ABCC4: variants seen among roughly 807,000 people sequenced by gnomAD.
The protein encoded by ABCC4 is ATP binding cassette subfamily C member 4 (PEL blood group), also known as ATP-binding cassette sub-family C member 4.
Under a neutral mutation model 168.5 loss-of-function variants are expected in ABCC4, and 102 were observed. The observed-to-expected ratio is 0.61, with a 90% CI of 0.52 to 0.71. The LOEUF (loss-of-function observed/expected upper bound fraction) is 0.71, where lower values mean the gene tolerates loss of function less well. Ranked by LOEUF, ABCC4 falls within the 30% of genes least tolerant of loss-of-function variation. The probability of loss-of-function intolerance (pLI) is 0.00; values close to 1 mark genes in which losing one functional copy is unlikely to be tolerated. For synonymous variants in ABCC4, 617 were observed against 590.7 expected (o/e 1.04, Z -0.65); for missense variants, 1,402 against 1,605.8 (o/e 0.87, Z 2.17).
intron 29 of ABCC4, among the ~76,000 whole-genome samples, chr13:95,036,843 G>A (rs2032142164): frequency 6.6e-6 from 1 of 152,044 alleles, no homozygotes; most frequent in African/African-American, 2.4e-5. Flanking sequence ...TAGCACTTTG[G>A]GAGGCCAAGG....
At chr13:95,282,695 T>C (rs1220359260) in intron 1 of ABCC4, among the ~76,000 whole-genome samples, 3 of 151,594 alleles carry the variant, frequency 2.0e-5, no homozygotes, top group Non-Finnish European at 4.4e-5. Context: ...CCATCATGCC[T>C]GGCTAATTTT....
chr13:95,030,482 A>G (rs983809553), intron 30 of ABCC4, among the ~76,000 whole-genome samples: 12 of 152,158 alleles, frequency 7.9e-5, no homozygotes, highest in African/African-American at 2.2e-4. Flanking sequence ...CTAAATTCCT[A>G]TGTTGAAGTC....
intron 30 of ABCC4, among the ~76,000 whole-genome samples, chr13:95,024,572 T>C (rs1056717492): frequency 1.3e-5 from 2 of 152,316 alleles, no homozygotes; most frequent in African/African-American, 4.8e-5. Context: ...TGATTGACAT[T>C]GCATTCCTAA....
At chr13:95,120,476 G>T (rs1329046908) in intron 19 of ABCC4, among the ~76,000 whole-genome samples, 1 of 147,784 alleles carries the variant, frequency 6.8e-6, no homozygotes, top group Non-Finnish European at 1.5e-5. Context: ...CTGAGGCAGA[G>T]AATTGCTTGA....
chr13:95,194,521 CT>C (rs2038355525), intron 9 of ABCC4, among the ~76,000 whole-genome samples: 1 of 152,232 alleles, frequency 6.6e-6, no homozygotes, highest in African/African-American at 2.4e-5. Flanking sequence ...TGCTGCACCC[CT>C]AGTCTGTCCA....
At chr13:95,028,268 G>A (rs765010234) in intron 30 of ABCC4, among the ~76,000 whole-genome samples, 1 of 152,148 alleles carries the variant, frequency 6.6e-6, no homozygotes, top group Non-Finnish European at 1.5e-5. Flanking sequence ...TAATAAGAAT[G>A]TAATTAACAA....
At chr13:95,100,462 T>C (rs939769072) in intron 20 of ABCC4, among the ~76,000 whole-genome samples, 6 of 152,146 alleles carry the variant, frequency 3.9e-5, no homozygotes, top group Non-Finnish European at 7.4e-5. Context: ...AACCCAACCA[T>C]TGCATCTTTC....
Position 95,043,581 on chromosome 13 carries a change from TTA to T in ABCC4, c.3735+99_3735+100del, listed in dbSNP as rs950017668. 13 of 960,422 alleles carry T rather than the reference TTA, an allele frequency of 1.4e-5. No homozygotes were observed. The Admixed American group carries it at 1.5e-4, about 11-fold the overall frequency. The allele number at this position is 960,422 out of a possible 1,614,324, so 59.5% of individuals were successfully genotyped here. ...GAAGAGAGCCAAAATTAACAGAAAA[TTA>T]ACTTACTAGGGGTTTCTATCAAGTT... On this transcript the variant is annotated intron_variant, in intron 29 of 30. Coordinates refer to ENST00000645237, the MANE Select transcript of ABCC4 (RefSeq NM_005845.5).
At chr13:95,154,359 A>C (rs963746804) in intron 19 of ABCC4, among the ~76,000 whole-genome samples, 1 of 152,218 alleles carries the variant, frequency 6.6e-6, no homozygotes, top group Non-Finnish European at 1.5e-5. Flanking sequence ...CAGAATTAAA[A>C]GCAATATAGG....
chr13:95,212,855 C>A (rs903237905), intron 4 of ABCC4, among the ~76,000 whole-genome samples: 2 of 152,110 alleles, frequency 1.3e-5, no homozygotes, highest in African/African-American at 4.8e-5. Context: ...ATGCCAGGTG[C>A]GGTGGCTCAC....
intron 11 of ABCC4, among the ~76,000 whole-genome samples, chr13:95,183,059 A>G (rs986378289): frequency 1.5e-5 from 2 of 129,706 alleles, no homozygotes; most frequent in Admixed American, 1.6e-4. Flanking sequence ...GTTAGTTCCT[A>G]TTTTTTCCTC....
In ABCC4 at chr13:95,207,663, A is replaced by T. The variant is rs957348783; in HGVS notation, c.911+137T>A. 4 of 852,162 alleles carry T rather than the reference A, an allele frequency of 4.7e-6. No individual in the cohort carries two copies. The African/African-American group carries it at 7.0e-5, about 15-fold the overall frequency. 52.8% of individuals were successfully genotyped at this position (852,162 alleles called of 1,614,324 possible). A position where few individuals can be genotyped will look rare whatever the true frequency, so the allele number is the denominator to read the frequency against. On this transcript the variant is annotated intron_variant, in intron 7 of 30. Coordinates refer to ENST00000645237, the MANE Select transcript of ABCC4 (RefSeq NM_005845.5). ...GTTCTCTACCATTCTACTTAACCCA[A>T]CTGCCAAGCGTGGGGACTGGGATGG...
intron 4 of ABCC4, among the ~76,000 whole-genome samples, chr13:95,226,620 C>A (rs559034427): frequency 6.6e-6 from 1 of 152,302 alleles, no homozygotes; most frequent in South Asian, 2.1e-4. Context: ...GAACTCAGGT[C>A]TGACTGCTCT....
At chr13:95,071,550 C>G in intron 25 of ABCC4, 112 bp downstream of exon 25, 1 of 925,320 alleles carries the variant, frequency 1.1e-6, no homozygotes, top group Non-Finnish European at 1.5e-6. Flanking sequence ...GTTTCCAAGA[C>G]AGGTTAACCT....
intron 19 of ABCC4, among the ~76,000 whole-genome samples, chr13:95,150,264 G>GA (rs1257103220): frequency 4.6e-5 from 7 of 152,050 alleles, no homozygotes; most frequent in Admixed American, 4.6e-4. Context: ...CATGCCTGGC[G>GA]AGCATGACTG....
chr13:95,187,384 G>C (rs1751010), intron 10 of ABCC4, among the ~76,000 whole-genome samples: 85,842 of 151,926 alleles, frequency 0.57, 24,382 homozygotes, highest in Non-Finnish European at 0.59. Flanking sequence ...GCGGGTGGAT[G>C]ACTTGAGGCC....
intron 1 of ABCC4, chr13:95,266,014 A>G (rs1449969637): frequency 6.6e-6 from 1 of 152,174 alleles, no homozygotes; most frequent in African/African-American, 2.4e-5. Flanking sequence ...TTTTAACGCA[A>G]TCCTCACAAT....
chr13:95,069,304 G>T (rs2033648375), intron 25 of ABCC4, among the ~76,000 whole-genome samples: 1 of 152,098 alleles, frequency 6.6e-6, no homozygotes, highest in South Asian at 2.1e-4. Context: ...TGGGGGTACA[G>T]AGACGAATAT....
chr13:95,205,777 G>A (rs536182285), intron 8 of ABCC4, among the ~76,000 whole-genome samples: 1 of 152,340 alleles, frequency 6.6e-6, no homozygotes, highest in South Asian at 2.1e-4. Context: ...TCCTGAAGGG[G>A]ATTAGTGTCC....
Sources: gnomAD v4.1 joint callset for allele counts (sites outside exome capture counted in the v4.1 genomes callset) on GRCh38, gnomAD v4.1.1 for gene constraint, MANE v1.5 for transcripts, NCBI Gene and HGNC (gene_info 2026-07-23, HGNC 2026-07-21) for gene names.